Variants in USP22 observed in about 807,000 individuals in gnomAD.
USP22 encodes the protein ubiquitin specific peptidase 22.
In USP22, 22 loss-of-function variants were observed where a neutral mutation model predicts 68.1. The ratio of observed to expected loss-of-function variants is 0.32; its 90% CI spans 0.23 to 0.46. The LOEUF is 0.46. Ranked by LOEUF, USP22 falls within the 20% of genes least tolerant of loss-of-function variation. The pLI, the probability that USP22 is intolerant of heterozygous loss-of-function variation, is 1.00. For synonymous variants in USP22, 279 were observed against 274.2 expected (o/e 1.02, Z -0.17); for missense variants, 433 against 695.8 (o/e 0.62, Z 4.25).
chr17:21,026,459 G>A (rs1393346962), intron 2 of USP22, among the ~76,000 whole-genome samples: 1 of 151,948 alleles, frequency 6.6e-6, no homozygotes, highest in Admixed American at 6.6e-5. Context: ...GAGTAGCTGG[G>A]ACCACAGGCA....
rs1016620815 is a variant in USP22, at chr17:21,021,150, G to A, written c.381C>T (p.Ile127=). ...DYIYDKDMEI[I]AKEEQRKAWK... ...AAGCTTTTCGCTGCTCCTCCTTGGC[G>A]ATTATTTCCATGTCTTTGTCATAGA... Residue 127 remains isoleucine, a synonymous_variant, in exon 3 of 13, where the codon ATC becomes ATT. Coordinates refer to ENST00000261497, the MANE Select transcript of USP22 (RefSeq NM_015276.2). The A allele has an allele frequency of 2.5e-6, 4 of 1,614,144 alleles. No homozygotes were observed. The highest frequency in any genetic ancestry group is 1.7e-5 in the Admixed American group (1 of 60,022).
intron 6 of USP22, among the ~76,000 whole-genome samples, chr17:21,014,666 T>C (rs981980687): frequency 6.6e-6 from 1 of 152,132 alleles, no homozygotes; most frequent in Admixed American, 6.5e-5. Flanking sequence ...TGCACAGCCT[T>C]GAGACGGATG....
At chr17:21,029,387 T>TA (rs949820432) in intron 1 of USP22, among the ~76,000 whole-genome samples, 1 of 152,224 alleles carries the variant, frequency 6.6e-6, no homozygotes, top group African/African-American at 2.4e-5. Context: ...TCCAGATTGA[T>TA]AAACATATAC....
At chr17:21,024,041 C>A (rs75742754) in intron 2 of USP22, among the ~76,000 whole-genome samples, 1,784 of 152,266 alleles carry the variant, frequency 0.012, 28 homozygotes, top group South Asian at 0.064. Context: ...CTCAAAACAG[C>A]AGTTTAAGAT....
chr17:21,018,332 T>TATAC, intron 4 of USP22: 1 of 453,100 alleles, frequency 2.2e-6, no homozygotes, highest in Non-Finnish European at 3.9e-6. Context: ...CTTCAGCCAT[T>TATAC]GTATGCTTTG....
intron 1 of USP22, among the ~76,000 whole-genome samples, chr17:21,031,566 G>C (rs9906982): frequency 1.4e-5 from 2 of 147,100 alleles, no homozygotes; most frequent in Non-Finnish European, 3.0e-5. Flanking sequence ...ACCTAGGACT[G>C]TGCTACACAC....
rs186323023 is a variant in USP22, at chr17:21,041,140, C to T, written c.171+1525G>A. On this transcript the variant is annotated intron_variant, in intron 1 of 12. Coordinates refer to ENST00000261497, the MANE Select transcript of USP22 (RefSeq NM_015276.2). ...CCTCGTGATCTGCCCCCCTCGGCCT[C>T]CCCACGTGCTGGGATTACAGGCGTC... Among the ~76,000 whole-genome samples the T allele has an allele frequency of 4.6e-3, 704 of 152,056 alleles. 1 individual carries two copies. Among genetic ancestry groups the T allele is most frequent in the Admixed American group, 9.9e-3 (151 of 15,258 alleles).
intron 6 of USP22, among the ~76,000 whole-genome samples, chr17:21,013,985 A>T (rs761181426): frequency 1.3e-5 from 2 of 152,256 alleles, no homozygotes; most frequent in Non-Finnish European, 2.9e-5. Flanking sequence ...GAGGCAGAAG[A>T]ATCACTTGAA....
chr17:21,032,836 T>C (rs1280700050), intron 1 of USP22, among the ~76,000 whole-genome samples: 2 of 143,722 alleles, frequency 1.4e-5, no homozygotes, highest in Admixed American at 7.4e-5. Context: ...TTACTCAGGA[T>C]GGTTTGAGCC....
At chr17:21,041,065 A>G (rs1010902419) in intron 1 of USP22, among the ~76,000 whole-genome samples, 2 of 151,746 alleles carry the variant, frequency 1.3e-5, no homozygotes, top group South Asian at 4.2e-4. Context: ...TCGTATTTTT[A>G]GTAGAGATGA....
At chr17:21,020,271 G>GA (rs1159354614) in intron 3 of USP22, among the ~76,000 whole-genome samples, 2 of 97,508 alleles carry the variant, frequency 2.1e-5, no homozygotes, top group Non-Finnish European at 4.5e-5. Context: ...AAAAAAAAAG[G>GA]AAAAAAAACT....
At chr17:21,041,295 T>C (rs1427222288) in intron 1 of USP22, among the ~76,000 whole-genome samples, 1 of 152,042 alleles carries the variant, frequency 6.6e-6, no homozygotes, top group Non-Finnish European at 1.5e-5. Flanking sequence ...CTGATACCAT[T>C]ACAGATAAAA....
chr17:21,009,970 A>T (rs111445291), intron 8 of USP22, among the ~76,000 whole-genome samples: 14 of 130,112 alleles, frequency 1.1e-4, no homozygotes, highest in East Asian at 2.0e-4. Context: ...AAAAAAAAAA[A>T]TTAAAAAAAA....
rs1972461687 is a variant in USP22 at position 21,042,958 on chromosome 17, G to A, written c.-123C>T. On this transcript the variant is annotated 5_prime_UTR_variant, in exon 1 of 13. Transcript: ENST00000261497. Reference sequence around the variant, plus strand: ...CCAAGGCCCGGGCGCCGAGAACAAAGCGCGGAGGCCGGACAAAGATGGGGC... The same window carrying A: ...CCAAGGCCCGGGCGCCGAGAACAAAACGCGGAGGCCGGACAAAGATGGGGC... The A allele has an allele frequency of 3.7e-6, 2 of 538,856 alleles. No individual in the cohort carries two copies. The highest frequency in any genetic ancestry group is 5.4e-6 in the Non-Finnish European group (2 of 369,670). 33.4% of individuals were successfully genotyped at this position (538,856 alleles called of 1,614,324 possible).
At chr17:21,008,197 A>AT (rs1913838025) in intron 8 of USP22, among the ~76,000 whole-genome samples, 1 of 152,172 alleles carries the variant, frequency 6.6e-6, no homozygotes, top group Non-Finnish European at 1.5e-5. Context: ...TATCTTAAAT[A>AT]TTTTTTTTCC....
chr17:21,026,617 C>T (rs1786247583), intron 2 of USP22, among the ~76,000 whole-genome samples: 11 of 151,628 alleles, frequency 7.3e-5, no homozygotes, highest in Admixed American at 7.2e-4. Context: ...AGCCACACCG[C>T]TCCTCCCTCA....
intron 2 of USP22, among the ~76,000 whole-genome samples, chr17:21,028,222 T>C (rs1315797772): frequency 1.3e-5 from 2 of 152,154 alleles, no homozygotes; most frequent in Non-Finnish European, 2.9e-5. Context: ...TTATAAATGT[T>C]TGCCTAAGGT....
chr17:21,005,980 G>A (rs759015944), intron 10 of USP22, among the ~76,000 whole-genome samples: 8 of 152,164 alleles, frequency 5.3e-5, no homozygotes, highest in Admixed American at 2.0e-4. Flanking sequence ...CATGTGACCC[G>A]GAAGCCAGGG....
intron 1 of USP22, among the ~76,000 whole-genome samples, chr17:21,039,340 G>A (rs1159941434): frequency 6.6e-6 from 1 of 151,940 alleles, no homozygotes; most frequent in Non-Finnish European, 1.5e-5. Context: ...CACTTTGGGA[G>A]GCCAAGATGG....
Sources: allele counts gnomAD v4.1 joint callset (sites outside exome capture counted in the v4.1 genomes callset), GRCh38; gene constraint gnomAD v4.1.1; transcripts MANE v1.5; gene names NCBI Gene and HGNC (gene_info 2026-07-23, HGNC 2026-07-21).